Variants in GPR158 observed in about 807,000 individuals in gnomAD.
GPR158 encodes the protein metabotropic glycine receptor.
GPR158 carries 30 observed loss-of-function variants against 78.2 expected under a neutral mutation model. The observed-to-expected ratio is 0.38, with a 90% CI of 0.29 to 0.52. The LOEUF (loss-of-function observed/expected upper bound fraction) is 0.52. Ranked by LOEUF, GPR158 falls within the 20% of genes least tolerant of loss-of-function variation. GPR158 has a pLI of 0.83. For synonymous variants in GPR158, 581 were observed against 591.1 expected (o/e 0.98, Z 0.25); for missense variants, 1,463 against 1,523.5 (o/e 0.96, Z 0.66).
intron 2 of GPR158, among the ~76,000 whole-genome samples, chr10:25,312,171 A>C (rs1209295168): frequency 2.6e-5 from 4 of 152,158 alleles, no homozygotes; most frequent in South Asian, 2.1e-4. Context: ...TTCCGATCTG[A>C]AACCATTTCA....
intron 4 of GPR158, among the ~76,000 whole-genome samples, chr10:25,440,903 T>G (rs1048483021): frequency 5.3e-5 from 8 of 152,192 alleles, no homozygotes; most frequent in Non-Finnish European, 7.3e-5. Flanking sequence ...ATACAGTCAA[T>G]TTTTAGCTCT....
At chr10:25,209,057 T>C (rs1031751062) in intron 1 of GPR158, among the ~76,000 whole-genome samples, 2 of 152,036 alleles carry the variant, frequency 1.3e-5, no homozygotes, top group Non-Finnish European at 2.9e-5. Context: ...GGTTTCACCA[T>C]ATTGGCCAGG....
At chr10:25,464,041 T>G (rs547775332) in intron 4 of GPR158, among the ~76,000 whole-genome samples, 36 of 152,298 alleles carry the variant, frequency 2.4e-4, no homozygotes, top group African/African-American at 8.7e-4. Flanking sequence ...GTGCGCATTT[T>G]GAACAGGACT....
intron 5 of GPR158, among the ~76,000 whole-genome samples, chr10:25,479,241 G>A (rs1056165573): frequency 6.6e-6 from 1 of 151,984 alleles, no homozygotes; most frequent in African/African-American, 2.4e-5. Flanking sequence ...AAAAGATTGG[G>A]CTAATTATTT....
chr10:25,433,531 G>GTGTGT (rs1554803586), intron 4 of GPR158, among the ~76,000 whole-genome samples: 7 of 140,288 alleles, frequency 5.0e-5, no homozygotes, highest in African/African-American at 5.5e-5. Context: ...TTTAGTTAGG[G>GTGTGT]GTGTGTGTGT....
chr10:25,200,223 T>C (rs1017769957), intron 1 of GPR158, among the ~76,000 whole-genome samples: 2 of 152,198 alleles, frequency 1.3e-5, no homozygotes, highest in African/African-American at 2.4e-5. Context: ...TGGTGTGAGA[T>C]GGTATCATTG....
chr10:25,293,285 T>C (rs1003686262), intron 2 of GPR158, among the ~76,000 whole-genome samples: 5 of 152,210 alleles, frequency 3.3e-5, no homozygotes, highest in Admixed American at 2.6e-4. Flanking sequence ...TTACTTACTA[T>C]ATGGAGTCAG....
chr10:25,330,516 T>C (rs1395881832), intron 2 of GPR158, among the ~76,000 whole-genome samples: 1 of 152,198 alleles, frequency 6.6e-6, no homozygotes, highest in East Asian at 1.9e-4. Flanking sequence ...CAGGATACTA[T>C]ATAGGATTTG....
intron 7 of GPR158, among the ~76,000 whole-genome samples, chr10:25,575,175 G>C (rs1202905656): frequency 2.0e-5 from 3 of 152,140 alleles, no homozygotes; most frequent in African/African-American, 7.2e-5. Flanking sequence ...TGTGAGTAAT[G>C]CTAGGTGGTT....
At chr10:25,465,169 T>C (rs1414284451) in intron 4 of GPR158, among the ~76,000 whole-genome samples, 1 of 152,196 alleles carries the variant, frequency 6.6e-6, no homozygotes, top group Admixed American at 6.5e-5. Context: ...AATGCAGTAT[T>C]GTGGTTTGGC....
At chr10:25,539,879 A>G (rs953026000) in intron 5 of GPR158, among the ~76,000 whole-genome samples, 3 of 152,208 alleles carry the variant, frequency 2.0e-5, no homozygotes, top group Non-Finnish European at 4.4e-5. Context: ...TTTGAAGGAC[A>G]TGCATTTTTA....
intron 2 of GPR158, among the ~76,000 whole-genome samples, chr10:25,258,374 G>T (rs1425876502): frequency 6.6e-6 from 1 of 152,160 alleles, no homozygotes; most frequent in Non-Finnish European, 1.5e-5. Context: ...TCTTACCCCT[G>T]ATTGCGGCTT....
At chr10:25,338,595 T>C (rs1855259415) in intron 2 of GPR158, among the ~76,000 whole-genome samples, 1 of 144,250 alleles carries the variant, frequency 6.9e-6, no homozygotes, top group African/African-American at 2.6e-5. Flanking sequence ...ATATTATATA[T>C]ATTATTATAT....
At chr10:25,462,005 G>T (rs551150176) in intron 4 of GPR158, among the ~76,000 whole-genome samples, 2 of 152,130 alleles carry the variant, frequency 1.3e-5, no homozygotes, top group Non-Finnish European at 2.9e-5. Flanking sequence ...CTCCCAACGT[G>T]CTGGGATTAC....
chr10:25,353,094 C>A (rs1162335297), intron 2 of GPR158, among the ~76,000 whole-genome samples: 1 of 151,950 alleles, frequency 6.6e-6, no homozygotes, highest in Admixed American at 6.6e-5. Context: ...TAGTTATAAA[C>A]CTTATTAAAA....
At chr10:25,190,809 T>C (rs931823715) in intron 1 of GPR158, among the ~76,000 whole-genome samples, 10 of 152,150 alleles carry the variant, frequency 6.6e-5, no homozygotes, top group Non-Finnish European at 1.5e-4. Flanking sequence ...TAGCACAAAC[T>C]GAAGAGTGAC....
At chr10:25,597,085 T>A (rs183790322) in intron 10 of GPR158, among the ~76,000 whole-genome samples, 1 of 152,216 alleles carries the variant, frequency 6.6e-6, no homozygotes. Context: ...AGTGTTGAAC[T>A]GATTAAACGT....
intron 2 of GPR158, among the ~76,000 whole-genome samples, chr10:25,278,514 T>C (rs1396394147): frequency 1.3e-5 from 2 of 152,090 alleles, no homozygotes; most frequent in East Asian, 1.9e-4. Context: ...GAAGAAGTAA[T>C]GCCTTAGTAT....
At chr10:25,528,629 A>C (rs1932149) in intron 5 of GPR158, among the ~76,000 whole-genome samples, 46,676 of 152,046 alleles carry the variant, frequency 0.31, 8,098 homozygotes, top group East Asian at 0.48. Flanking sequence ...TGTTAAGAGA[A>C]TATAAAGGAA....
Sources: allele counts gnomAD v4.1 joint callset (sites outside exome capture counted in the v4.1 genomes callset), GRCh38; gene constraint gnomAD v4.1.1; transcripts MANE v1.5; gene names NCBI Gene and HGNC (gene_info 2026-07-23, HGNC 2026-07-21).